Variants in MACROD2 observed in about 807,000 individuals in gnomAD.
MACROD2 encodes the protein mono-ADP ribosylhydrolase 2.
In MACROD2, 36 loss-of-function variants were observed where a neutral mutation model predicts 70.4. That is an observed-to-expected ratio of 0.51 (90% CI 0.39 to 0.68). MACROD2 has a LOEUF of 0.68. Among genes scored for constraint, MACROD2 ranks in the 30% least tolerant of loss-of-function variants. The pLI, the probability that MACROD2 is intolerant of heterozygous loss-of-function variation, is 0.00. For synonymous variants in MACROD2, 172 were observed against 178.8 expected, an observed-to-expected ratio of 0.96 and a Z score of 0.30; for missense variants, 496 against 538.4, an observed-to-expected ratio of 0.92 and a Z score of 0.78.
At chr20:14,358,920 C>T (rs1174466191) in intron 3 of MACROD2, among the ~76,000 whole-genome samples, 1 of 152,116 alleles carries the variant, frequency 6.6e-6, no homozygotes, top group Non-Finnish European at 1.5e-5. Flanking sequence ...GGCATGGTGG[C>T]TCATGCCTGT....
intron 5 of MACROD2, among the ~76,000 whole-genome samples, chr20:14,814,823 T>C (rs1288252203): frequency 6.6e-6 from 1 of 151,530 alleles, no homozygotes; most frequent in African/African-American, 2.4e-5. Flanking sequence ...ATGATAAAAG[T>C]TAAAAAAAAG....
At chr20:14,444,825 C>CTG (rs1162719483) in intron 3 of MACROD2, among the ~76,000 whole-genome samples, 15 of 151,724 alleles carry the variant, frequency 9.9e-5, no homozygotes, top group Admixed American at 8.5e-4. Context: ...TCTACCATCT[C>CTG]TGTGTGTGTG....
At chr20:15,812,464 A>C (rs1369357924) in intron 8 of MACROD2, among the ~76,000 whole-genome samples, 5 of 152,174 alleles carry the variant, frequency 3.3e-5, no homozygotes, top group Non-Finnish European at 7.4e-5. Flanking sequence ...CATACTGACA[A>C]TAAAGAAGGC....
At chr20:15,673,345 C>A (rs1449864116) in intron 8 of MACROD2, among the ~76,000 whole-genome samples, 1 of 152,134 alleles carries the variant, frequency 6.6e-6, no homozygotes, top group Non-Finnish European at 1.5e-5. Context: ...TAAATACTTG[C>A]CAATTATTTT....
chr20:15,809,247 C>A (rs1416328968), intron 8 of MACROD2, among the ~76,000 whole-genome samples: 1 of 152,158 alleles, frequency 6.6e-6, no homozygotes, highest in African/African-American at 2.4e-5. Context: ...GTTGCCTTTT[C>A]CATTTCACTC....
chr20:14,075,075 A>G (rs758621938), intron 2 of MACROD2, among the ~76,000 whole-genome samples: 2 of 152,192 alleles, frequency 1.3e-5, no homozygotes, highest in African/African-American at 2.4e-5. Flanking sequence ...TAATGGCCCC[A>G]AAGCACAAGA....
intron 5 of MACROD2, among the ~76,000 whole-genome samples, chr20:14,739,539 GACAA>G (rs10581089): frequency 0.22 from 33,151 of 151,544 alleles, 4,125 homozygotes; most frequent in East Asian, 0.43. Context: ...CAACTTATAA[GACAA>G]ACAAAGGTAT....
chr20:15,924,489 T>C (rs2065458999), intron 10 of MACROD2, among the ~76,000 whole-genome samples: 1 of 152,230 alleles, frequency 6.6e-6, no homozygotes, highest in African/African-American at 2.4e-5. Context: ...CATATCTACA[T>C]AGAGGAAACA....
intron 6 of MACROD2, among the ~76,000 whole-genome samples, chr20:15,289,735 G>A (rs2077524814): frequency 6.6e-6 from 1 of 152,152 alleles, no homozygotes; most frequent in African/African-American, 2.4e-5. Flanking sequence ...ACTTTTATGG[G>A]CATGTAGAGG....
rs151230716 is a variant in MACROD2, at chr20:15,126,000, T to G, written c.419-103940T>G. On this transcript the variant is annotated intron_variant, in intron 5 of 17. Transcript: ENST00000684519. ...TTCAAGATTCATCTATGTTGTAGCA[T>G]GTATCAGTACTTCATTCCTTTTTAT... Among the ~76,000 whole-genome samples the G allele has an allele frequency of 4.1e-3, 505 of 121,714 alleles. 9 individuals carry two copies. The highest frequency in any genetic ancestry group is 5.7e-3 in the Non-Finnish European group (276 of 48,628). 79.8% of individuals were successfully genotyped at this position (121,714 alleles called of 152,430 possible).
chr20:15,753,924 A>G (rs1012674462), intron 8 of MACROD2, among the ~76,000 whole-genome samples: 2 of 152,218 alleles, frequency 1.3e-5, no homozygotes, highest in South Asian at 2.1e-4. Flanking sequence ...TTTAAAATAT[A>G]TGAAGTAAAA....
intron 8 of MACROD2, among the ~76,000 whole-genome samples, chr20:15,736,839 A>C (rs2051028221): frequency 6.6e-6 from 1 of 152,196 alleles, no homozygotes; most frequent in African/African-American, 2.4e-5. Context: ...TGGTATCTGC[A>C]GGAGGTCCTG....
intron 6 of MACROD2, among the ~76,000 whole-genome samples, chr20:15,362,149 T>C (rs2078359847): frequency 6.6e-6 from 1 of 152,022 alleles, no homozygotes; most frequent in African/African-American, 2.4e-5. Flanking sequence ...GTAGCTGGGA[T>C]TACAGGCGCA....
intron 5 of MACROD2, among the ~76,000 whole-genome samples, chr20:15,110,692 T>C (rs1434237893): frequency 6.6e-6 from 1 of 152,184 alleles, no homozygotes; most frequent in Non-Finnish European, 1.5e-5. Context: ...GGACATAACA[T>C]GTGGCCAGAT....
chr20:15,265,842 T>A (rs1377602379), intron 6 of MACROD2, among the ~76,000 whole-genome samples: 1 of 152,230 alleles, frequency 6.6e-6, no homozygotes, highest in Non-Finnish European at 1.5e-5. Context: ...GATTTCTGAT[T>A]TCTCTAACTT....
intron 12 of MACROD2, among the ~76,000 whole-genome samples, chr20:15,965,547 CATT>C (rs1473893465): frequency 1.3e-5 from 2 of 152,092 alleles, no homozygotes; most frequent in African/African-American, 4.8e-5. Flanking sequence ...AATTCTATAA[CATT>C]AATGTTGAGA....
intron 5 of MACROD2, among the ~76,000 whole-genome samples, chr20:15,068,689 G>A (rs371499078): frequency 6.6e-6 from 1 of 152,274 alleles, no homozygotes. Context: ...ATCAGAAGCT[G>A]AGTAGATATG....
At position 14,230,631 on chromosome 20, in the gene MACROD2, T is replaced by TTATA. The variant is rs71190119; in HGVS notation, c.271+144924_271+144927dup. Among the ~76,000 whole-genome samples the TTATA allele has an allele frequency of 2.1e-5, 2 of 94,262 alleles. 1 individual carries two copies. Among genetic ancestry groups the TTATA allele is most frequent in the Non-Finnish European group, 3.8e-5 (2 of 53,254 alleles). The allele number at this position is 94,262 out of a possible 152,430, so 61.8% of individuals were successfully genotyped here. A position where few individuals can be genotyped will look rare whatever the true frequency, so the allele number is the denominator to read the frequency against. On this transcript the variant is annotated intron_variant, in intron 3 of 17. Coordinates refer to ENST00000684519, the MANE Select transcript of MACROD2 (RefSeq NM_001351661.2). ...ACTTCTTCCAAACTCTCATTCATGT[T>TTATA]TATATATATATATATATATATATAA...
intron 8 of MACROD2, among the ~76,000 whole-genome samples, chr20:15,780,598 T>A (rs1025973838): frequency 6.6e-6 from 1 of 152,112 alleles, no homozygotes; most frequent in African/African-American, 2.4e-5. Context: ...ATCAGAGAAA[T>A]TTAAATACCT....
Sources: allele counts gnomAD v4.1 joint callset (sites outside exome capture counted in the v4.1 genomes callset), GRCh38; gene constraint gnomAD v4.1.1; transcripts MANE v1.5; gene names NCBI Gene and HGNC (gene_info 2026-07-23, HGNC 2026-07-21).